The following DAAM2 variants were observed in gnomAD, a reference collection of about 807,000 sequenced individuals.
DAAM2 encodes the protein disheveled-associated activator of morphogenesis 2.
In DAAM2, 39 loss-of-function variants were observed where a neutral mutation model predicts 120.7. The observed-to-expected ratio is 0.32, with a 90% confidence interval of 0.25 to 0.42. The LOEUF (loss-of-function observed/expected upper bound fraction) is 0.42. Ranked by LOEUF, DAAM2 falls within the 10% of genes least tolerant of loss-of-function variation. The pLI is 1.00. For missense variants in DAAM2, 1,283 were observed against 1,401.7 expected (o/e 0.92, Z 1.35); for synonymous variants, 488 against 524.9 (o/e 0.93, Z 0.96).
At position 39,902,090 on chromosome 6, in the gene DAAM2, G is replaced by A. The variant is rs748787816; in HGVS notation, c.*53G>A. 129 of 1,466,776 alleles carry A rather than the reference G, an allele frequency of 8.8e-5. No homozygotes were observed. Among genetic ancestry groups the A allele is most frequent in the Non-Finnish European group, 1.1e-4 (119 of 1,070,220 alleles). 90.9% of individuals were successfully genotyped at this position (1,466,776 alleles called of 1,614,324 possible). A position where few individuals can be genotyped will look rare whatever the true frequency, so the allele number is the denominator to read the frequency against. On this transcript the variant is annotated 3_prime_UTR_variant, in exon 25 of 25. Transcript: ENST00000274867. ...GGGAGACAGGGACTGGTGAGAATGG[G>A]GCTGAGTGGAGGAGGTGGTGATATT...
chr6:39,891,835 A>G (rs1299314741), intron 19 of DAAM2, 113 bp downstream of exon 19: 1 of 767,240 alleles, frequency 1.3e-6, no homozygotes, highest in African/African-American at 1.8e-5. Flanking sequence ...TCTCAACCCA[A>G]AAACAAAAAC....
intron 7 of DAAM2, among the ~76,000 whole-genome samples, chr6:39,869,992 A>C (rs562803679): frequency 6.6e-6 from 1 of 152,138 alleles, no homozygotes; most frequent in South Asian, 2.1e-4. Context: ...GGGGAAACTA[A>C]AAGTTTTCCC....
At chr6:39,881,125 T>C (rs1333345498) in intron 14 of DAAM2, among the ~76,000 whole-genome samples, 2 of 152,206 alleles carry the variant, frequency 1.3e-5, no homozygotes, top group East Asian at 3.8e-4. Context: ...TTGTGCAACA[T>C]TTTCATCATA....
intron 15 of DAAM2, 27 bp from the exon 16 acceptor site, chr6:39,887,459 A>G (rs1765444499): frequency 6.4e-7 from 1 of 1,569,640 alleles, no homozygotes; most frequent in Non-Finnish European, 8.7e-7. Context: ...CCACACCTCA[A>G]CTGTCCACTT....
chr6:39,815,910 T>C (rs1762295865), intron 1 of DAAM2, among the ~76,000 whole-genome samples: 1 of 152,216 alleles, frequency 6.6e-6, no homozygotes, highest in African/African-American at 2.4e-5. Context: ...CAGCTGTCTT[T>C]ACTCTCCAGC....
At chr6:39,855,472 C>T (rs1763962428) in intron 1 of DAAM2, among the ~76,000 whole-genome samples, 1 of 152,158 alleles carries the variant, frequency 6.6e-6, no homozygotes, top group Admixed American at 6.5e-5. Context: ...AAAATCTGAG[C>T]AGATTTCTTC....
intron 1 of DAAM2, among the ~76,000 whole-genome samples, chr6:39,799,676 A>G (rs1038234732): frequency 6.6e-6 from 1 of 152,218 alleles, no homozygotes; most frequent in African/African-American, 2.4e-5. Context: ...ATGCTCCACT[A>G]TACATGACAC....
At position 39,901,880 on chromosome 6, in the gene DAAM2, T is replaced by C. The variant is rs768979206; in HGVS notation, c.3050T>C (p.Leu1017Pro). The C allele has an allele frequency of 6.3e-7, 1 of 1,596,720 alleles. No homozygotes were observed. The highest frequency in any genetic ancestry group is 8.6e-7 in the Non-Finnish European group (1 of 1,168,186). ...QRKVLAAGSS[L>P]EEGGEFDDLV... ...AAGGTCCTGGCTGCAGGCAGCTCGC[T>C]GGAGGAGGGAGGAGAGTTCGATGAC... The change falls in exon 25 of 25, where the codon CTG becomes CCG. Residue 1017 changes from leucine to proline, a missense_variant. By Grantham distance (98) the Leu-to-Pro change is moderately conservative (BLOSUM62 -3). This residue lies in a region of DAAM2 where 748 missense variants were observed against 768.6 expected (regional missense o/e 0.97). Coordinates refer to ENST00000274867, the MANE Select transcript of DAAM2 (RefSeq NM_001201427.2). This position sits in a 1 kb window ranked among gnomAD's most constrained non-coding sequence, Gnocchi z 4.5.
rs545048819 is a variant in DAAM2 at position 39,835,005 on chromosome 6, C to T, written c.-56-21242C>T. Among the ~76,000 whole-genome samples, 144 of 152,346 alleles carry T rather than the reference C, an allele frequency of 9.5e-4. 5 individuals carry two copies. In the South Asian group the frequency reaches 0.029, roughly 30 times the overall value. ...TATTAGGTGCCTCTCTCCACCCACA[C>T]CACAATGCCTTACTTGGGTCACTGT... On this transcript the variant is annotated intron_variant, in intron 1 of 24. Transcript: ENST00000274867.
chr6:39,867,478 A>C, intron 5 of DAAM2, 32 bp from the exon 6 acceptor site: 2 of 1,602,896 alleles, frequency 1.2e-6, no homozygotes, highest in Non-Finnish European at 1.7e-6. Flanking sequence ...ATCATATGCA[A>C]ATATATGTTT....
At chr6:39,793,751 TG>T (rs1561988326) in intron 1 of DAAM2, among the ~76,000 whole-genome samples, 1 of 152,196 alleles carries the variant, frequency 6.6e-6, no homozygotes, top group Admixed American at 6.5e-5. Flanking sequence ...GCAGTGAGGC[TG>T]TATCGATCCA....
chr6:39,825,202 G>A lies in DAAM2; in HGVS notation c.-56-31045G>A, dbSNP rs1329989681. Among the ~76,000 whole-genome samples the A allele has an allele frequency of 4.6e-5, 7 of 152,024 alleles. No individual in the cohort carries two copies. In the South Asian group the frequency reaches 1.0e-3, roughly 23 times the overall value. On this transcript the variant is annotated intron_variant, in intron 1 of 24. Transcript: ENST00000274867. ...GTCAGGAGTCTGAAACCAGCCTGGC[G>A]GACATGGGGAAACGCTCTCTCTACT...
intron 9 of DAAM2, among the ~76,000 whole-genome samples, chr6:39,872,189 C>T (rs1034989558): frequency 1.3e-5 from 2 of 152,134 alleles, no homozygotes; most frequent in Non-Finnish European, 2.9e-5. Context: ...TCTTCCTTAC[C>T]CAGTCCTCTG....
At chr6:39,893,477 C>T (rs571855558) in intron 19 of DAAM2, among the ~76,000 whole-genome samples, 7 of 151,962 alleles carry the variant, frequency 4.6e-5, no homozygotes, top group African/African-American at 1.4e-4. Flanking sequence ...GACATGGAAC[C>T]ACTGCACTCC....
intron 1 of DAAM2, among the ~76,000 whole-genome samples, chr6:39,809,067 T>TAG (rs903262704): frequency 6.6e-6 from 1 of 151,326 alleles, no homozygotes; most frequent in African/African-American, 2.4e-5. Context: ...GAGGAGGGAG[T>TAG]AGAGAGATGG....
chr6:39,887,565 C>A lies in DAAM2; in HGVS notation c.2033C>A (p.Ala678Asp). 6.2e-7 allele frequency: 1 copy of A among 1,613,494 alleles called. No individual in the cohort carries two copies. Among genetic ancestry groups the A allele is most frequent in the Non-Finnish European group, 8.5e-7 (1 of 1,179,540 alleles). Residue 678 changes from alanine (A) to aspartate (D), a missense_variant, in exon 16 of 25, where the codon GCC becomes GAC. Ala to Asp is a moderately radical substitution (Grantham distance 126). This residue lies in a region of DAAM2 where 748 missense variants were observed against 768.6 expected (regional missense o/e 0.97). Transcript: ENST00000274867. ...CTGTCGGTCATTGATGGCCGGAGGGCCCAAAACTGCATCATCCTTCTTTCC... is the reference window on the plus strand; with the variant it reads ...CTGTCGGTCATTGATGGCCGGAGGGACCAAAACTGCATCATCCTTCTTTCC... ...KELSVIDGRR[A>D]QNCIILLSKL...
At chr6:39,793,796 T>C (rs1464446623) in intron 1 of DAAM2, among the ~76,000 whole-genome samples, 2 of 152,194 alleles carry the variant, frequency 1.3e-5, no homozygotes, top group Non-Finnish European at 2.9e-5. Flanking sequence ...AGGCACTGCC[T>C]GTCAATAGCT....
chr6:39,818,199 A>C (rs1478574018), intron 1 of DAAM2, among the ~76,000 whole-genome samples: 17 of 147,672 alleles, frequency 1.2e-4, no homozygotes, highest in Non-Finnish European at 2.4e-4. Flanking sequence ...AAAAAAAAAA[A>C]AAAAAAACTT....
At chr6:39,876,524 C>A (rs1171184858) in intron 11 of DAAM2, among the ~76,000 whole-genome samples, 1 of 152,188 alleles carries the variant, frequency 6.6e-6, no homozygotes, top group Non-Finnish European at 1.5e-5. Context: ...ATAAAAACTC[C>A]TGAGGTCCAA....
Sources: allele counts gnomAD v4.1 joint callset (sites outside exome capture counted in the v4.1 genomes callset), GRCh38; gene constraint gnomAD v4.1.1; regional missense constraint gnomAD v4.1.1; non-coding constraint Gnocchi (gnomAD v3.1); transcripts MANE v1.5; gene names NCBI Gene and HGNC (gene_info 2026-07-23, HGNC 2026-07-21).